Variants in WRN observed in about 807,000 individuals in gnomAD.
The protein encoded by WRN is bifunctional 3'-5' exonuclease/ATP-dependent helicase WRN.
In WRN, 149 loss-of-function variants were observed where a neutral mutation model predicts 180.7. The observed-to-expected ratio is 0.82, with a 90% CI of 0.72 to 0.94. The LOEUF is 0.94. Among genes scored for constraint, WRN ranks in the 40% least tolerant of loss-of-function variants. The probability of loss-of-function intolerance (pLI) is 0.00; values close to 1 mark genes in which losing one functional copy is unlikely to be tolerated. For synonymous variants in WRN, 548 were observed against 568.9 expected, an observed-to-expected ratio of 0.96 and a Z score of 0.52; for missense variants, 1,661 against 1,700.1, an observed-to-expected ratio of 0.98 and a Z score of 0.40.
chr8:31,034,684 C>A (rs11574165), intron 1 of WRN, among the ~76,000 whole-genome samples: 142 of 152,276 alleles, frequency 9.3e-4, no homozygotes, highest in African/African-American at 3.0e-3. Context: ...AAAATGAGGA[C>A]AGCTGCCCAG....
chr8:31,103,103 C>T (rs1424011807), intron 18 of WRN, among the ~76,000 whole-genome samples: 2 of 152,118 alleles, frequency 1.3e-5, no homozygotes, highest in Non-Finnish European at 2.9e-5. Context: ...TGCTGTCTTC[C>T]ACCTCCACGT....
chr8:31,045,888 G>A (rs747301233), intron 1 of WRN, among the ~76,000 whole-genome samples: 14 of 152,094 alleles, frequency 9.2e-5, no homozygotes, highest in Admixed American at 6.5e-5. Context: ...ATTGCTTCTT[G>A]AGTGTATTGA....
rs764656814 is a variant in WRN, at chr8:31,150,458, A to G, written c.3687+3A>G. On this transcript the variant is annotated splice_donor_region_variant and intron_variant, in intron 31 of 34. Coordinates refer to ENST00000298139, the MANE Select transcript of WRN (RefSeq NM_000553.6). ...TCTGCCAAACAAATAGTGTTCAGGT[A>G]AAATACTGTGGTTTGCAGGAGCTCT... The G allele has an allele frequency of 8.7e-6, 14 of 1,613,714 alleles. No homozygotes were observed. The highest frequency in any genetic ancestry group is 1.0e-5 in the Non-Finnish European group (12 of 1,179,580).
chr8:31,037,596 C>CT (rs1277795578), intron 1 of WRN, among the ~76,000 whole-genome samples: 1 of 152,276 alleles, frequency 6.6e-6, no homozygotes, highest in Admixed American at 6.5e-5. Context: ...TACTTTCATT[C>CT]TTTTGCATAT....
chr8:31,095,047 A>G (rs915953654), intron 16 of WRN, among the ~76,000 whole-genome samples: 10 of 152,176 alleles, frequency 6.6e-5, no homozygotes, highest in Admixed American at 2.6e-4. Context: ...GAGTGATTGT[A>G]TCATGGGATA....
At chr8:31,125,364 C>T (rs1801879283) in intron 23 of WRN, among the ~76,000 whole-genome samples, 1 of 150,484 alleles carries the variant, frequency 6.6e-6, no homozygotes, top group African/African-American at 2.4e-5. Flanking sequence ...ACATTACATT[C>T]CATGAAAACA....
At chr8:31,092,469 A>G (rs1813787189) in intron 16 of WRN, among the ~76,000 whole-genome samples, 2 of 151,002 alleles carry the variant, frequency 1.3e-5, no homozygotes, top group African/African-American at 4.9e-5. Flanking sequence ...GTATATGTAC[A>G]CACACACACA....
At position 31,090,841 on chromosome 8, in the gene WRN, A is replaced by G. The variant is rs1813719283; in HGVS notation, c.1728A>G (p.Gly576=). 6.2e-7 allele frequency: 1 copy of G among 1,607,562 alleles called. No homozygotes were observed. The highest frequency in any genetic ancestry group is 1.1e-5 in the South Asian group (1 of 89,382). The change falls in exon 15 of 35, where the codon GGA becomes GGG. Residue 576 remains glycine (G), a synonymous_variant. Coordinates refer to ENST00000298139, the MANE Select transcript of WRN (RefSeq NM_000553.6). ...DNVAVMATGY[G]KSLCFQYPPV... The stretch of plus-strand genomic sequence containing the variant: ...TATTTTTTTCATTTCAAGGATATGG[A>G]AAGAGTTTGTGCTTCCAGTATCCAC...
chr8:31,091,509 G>C (rs531110786), intron 15 of WRN, among the ~76,000 whole-genome samples: 1 of 152,066 alleles, frequency 6.6e-6, no homozygotes, highest in Admixed American at 6.6e-5. Flanking sequence ...CAGTGTTGTT[G>C]TTAACTATAG....
At chr8:31,099,597 ACT>A (rs1202264998) in intron 17 of WRN, among the ~76,000 whole-genome samples, 11 of 139,370 alleles carry the variant, frequency 7.9e-5, no homozygotes, top group African/African-American at 3.0e-4. Flanking sequence ...TCTTCTCCAC[ACT>A]CTCTTAGGAC....
intron 31 of WRN, among the ~76,000 whole-genome samples, chr8:31,151,014 G>T (rs959587287): frequency 6.6e-6 from 1 of 152,092 alleles, no homozygotes; most frequent in Non-Finnish European, 1.5e-5. Context: ...ACTCCACGTA[G>T]CAGACTCTAT....
At position 31,147,518 on chromosome 8, in the gene WRN, C is replaced by T. The variant is rs901188908; in HGVS notation, c.3572+42C>T. ...ATGTGTTCTATTTATTTCCTTCTAACAAAATAGATTTGGAAAATATATCTA... is the reference window on the plus strand; with the variant it reads ...ATGTGTTCTATTTATTTCCTTCTAATAAAATAGATTTGGAAAATATATCTA... On this transcript the variant is annotated intron_variant, in intron 30 of 34. Transcript: ENST00000298139. 10 of 1,574,736 alleles carry T rather than the reference C, an allele frequency of 6.4e-6. No homozygotes were observed. The Admixed American group carries it at 8.4e-5, about 13-fold the overall frequency.
intron 22 of WRN, 43 bp from the exon 23 acceptor site, chr8:31,124,865 C>T (rs771257554): frequency 1.9e-5 from 29 of 1,552,260 alleles, no homozygotes; most frequent in Middle Eastern, 1.7e-4. Context: ...TTAACATATA[C>T]GTTTCTGTTC....
Position 31,081,209 on chromosome 8 carries a change from G to A in WRN, c.1182G>A (p.Ser394=), listed in dbSNP as rs138565529. Residue 394 remains serine, a synonymous_variant, in exon 9 of 35, where the codon TCG becomes TCA. Coordinates refer to ENST00000298139, the MANE Select transcript of WRN (RefSeq NM_000553.6). ...ATATGGAAAGAGCTTGTTTGATGTC[G>A]TTAGATATTACAGAACATGAACTCC... ...KENMERACLM[S]LDITEHELQI... is the part of the protein sequence containing the mutation. The A allele has an allele frequency of 1.8e-4, 292 of 1,613,790 alleles. No individual in the cohort carries two copies. The highest frequency in any genetic ancestry group is 2.2e-4 in the Non-Finnish European group (257 of 1,179,844).
intron 33 of WRN, among the ~76,000 whole-genome samples, chr8:31,164,546 A>C (rs995981536): frequency 6.6e-6 from 1 of 152,178 alleles, no homozygotes; most frequent in Non-Finnish European, 1.5e-5. Flanking sequence ...TTGTCTGGAA[A>C]ACTGTTCATA....
intron 24 of WRN, among the ~76,000 whole-genome samples, chr8:31,133,936 A>G (rs952715616): frequency 3.3e-5 from 5 of 152,210 alleles, no homozygotes; most frequent in Admixed American, 6.5e-5. Context: ...CTCCTTGACA[A>G]ACTTGAACTG....
chr8:31,122,636 T>G (rs1801765272), intron 21 of WRN, among the ~76,000 whole-genome samples: 1 of 151,994 alleles, frequency 6.6e-6, no homozygotes, highest in African/African-American at 2.4e-5. Flanking sequence ...ATGAATGGTT[T>G]AGAATTTTTT....
intron 3 of WRN, among the ~76,000 whole-genome samples, chr8:31,062,651 A>G (rs1335807314): frequency 6.6e-6 from 1 of 151,736 alleles, no homozygotes; most frequent in Non-Finnish European, 1.5e-5. Context: ...GGACTCAAGC[A>G]ATCTGCCTGC....
chr8:31,156,006 A>T (rs912883295), intron 32 of WRN, among the ~76,000 whole-genome samples: 2 of 152,214 alleles, frequency 1.3e-5, no homozygotes, highest in Non-Finnish European at 2.9e-5. Context: ...TGCCCAAGAA[A>T]CCAAATAATT....
Sources: allele counts gnomAD v4.1 joint callset (sites outside exome capture counted in the v4.1 genomes callset), GRCh38; gene constraint gnomAD v4.1.1; transcripts MANE v1.5; gene names NCBI Gene and HGNC (gene_info 2026-07-23, HGNC 2026-07-21).